Variants in ZDHHC14 observed in about 807,000 individuals in gnomAD.
ZDHHC14 encodes the protein zDHHC palmitoyltransferase 14.
A neutral mutation model predicts 47.7 loss-of-function variants in ZDHHC14; 16 were observed. The ratio of observed to expected loss-of-function variants is 0.34; its 90% CI spans 0.23 to 0.51. The LOEUF is 0.51. ZDHHC14 is among the 20% of genes least tolerant of loss of function. ZDHHC14 has a pLI of 0.97. For synonymous variants in ZDHHC14, 293 were observed against 278.9 expected (o/e 1.05, Z -0.50); for missense variants, 515 against 662.5 (o/e 0.78, Z 2.44).
rs1785652621 is a variant in ZDHHC14, at chr6:157,630,645, C to CTCATGT, written c.703+2159_703+2160insTCATGT. The CTCATGT allele has an allele frequency of 8.3e-5, 12 of 145,386 alleles. No homozygotes were observed. In the Admixed American group the frequency reaches 8.3e-4, roughly 10 times the overall value. 9.0% of individuals were successfully genotyped at this position (145,386 alleles called of 1,614,324 possible). A position where few individuals can be genotyped will look rare whatever the true frequency, so the allele number is the denominator to read the frequency against. ...CAATATGCTCACACATGTACCCTTA[C>CTCATGT]ACACCCACACTCATACTAGCCATAC... On this transcript the variant is annotated intron_variant, in intron 4 of 8. Transcript: ENST00000359775.
chr6:157,392,415 T>C (rs1015832325), intron 1 of ZDHHC14, among the ~76,000 whole-genome samples: 7 of 152,208 alleles, frequency 4.6e-5, no homozygotes, highest in African/African-American at 1.7e-4. Flanking sequence ...AGCTCTTCTC[T>C]GATCTCATAC....
chr6:157,547,168 C>G (rs993465935), intron 2 of ZDHHC14, among the ~76,000 whole-genome samples: 15 of 152,202 alleles, frequency 9.9e-5, no homozygotes, highest in African/African-American at 3.4e-4. Context: ...GTAGATGCAC[C>G]CGTGTGTGCA....
rs181848583 is a variant in ZDHHC14, at chr6:157,665,180, C to T, written c.1069-7544C>T. Among the ~76,000 whole-genome samples, 47 of 152,326 alleles carry T rather than the reference C, an allele frequency of 3.1e-4. 1 individual carries two copies. The highest frequency in any genetic ancestry group is 1.0e-4 in the Non-Finnish European group (7 of 68,044). Reference sequence around the variant, plus strand: ...CCTGTACTTTGGCCAGTTTCATATACTCCCTTATATACAGGCTGAATGCTG... The same window carrying T: ...CCTGTACTTTGGCCAGTTTCATATATTCCCTTATATACAGGCTGAATGCTG... On this transcript the variant is annotated intron_variant, in intron 8 of 8. Transcript: ENST00000359775.
intron 1 of ZDHHC14, among the ~76,000 whole-genome samples, chr6:157,517,346 G>A (rs902645790): frequency 3.4e-5 from 5 of 146,698 alleles, no homozygotes; most frequent in African/African-American, 7.7e-5. Flanking sequence ...ACAGAGTTTC[G>A]CTCTGTCAGC....
At chr6:157,478,421 CA>C (rs551455610) in intron 1 of ZDHHC14, among the ~76,000 whole-genome samples, 164 of 152,294 alleles carry the variant, frequency 1.1e-3, no homozygotes, top group Non-Finnish European at 1.9e-3. Context: ...AAGTTAACCA[CA>C]ATGCTAATTT....
intron 1 of ZDHHC14, among the ~76,000 whole-genome samples, chr6:157,403,300 C>A (rs867049922): frequency 2.0e-5 from 3 of 152,178 alleles, no homozygotes. Context: ...CAATAACCTA[C>A]GAAATAACCT....
intron 8 of ZDHHC14, among the ~76,000 whole-genome samples, chr6:157,653,900 C>T (rs1385933040): frequency 2.0e-5 from 3 of 152,130 alleles, no homozygotes; most frequent in Non-Finnish European, 4.4e-5. Flanking sequence ...GCTTGAGGCA[C>T]GTGGATGGAA....
In ZDHHC14 at chr6:157,383,458, T is replaced by C. The variant is rs1777253445; in HGVS notation, c.245+1192T>C. 2.0e-5 allele frequency among the ~76,000 whole-genome samples: 3 copies of C among 152,234 alleles called. No individual in the cohort carries two copies. The South Asian group carries it at 6.2e-4, about 31-fold the overall frequency. On this transcript the variant is annotated intron_variant, in intron 1 of 8. Coordinates refer to ENST00000359775, the MANE Select transcript of ZDHHC14 (RefSeq NM_024630.3). ...TTGTTTCTGATTAGGATTAATAGGC[T>C]CTAATTTTGTGCCTGGCTTTTGCTC...
intron 7 of ZDHHC14, among the ~76,000 whole-genome samples, chr6:157,653,148 G>A (rs868432957): frequency 1.3e-5 from 2 of 152,162 alleles, no homozygotes; most frequent in South Asian, 2.1e-4. Context: ...TCGAAACAAC[G>A]TTTGCTGAGT....
intron 2 of ZDHHC14, among the ~76,000 whole-genome samples, chr6:157,573,381 G>A (rs1274908186): frequency 6.6e-6 from 1 of 152,154 alleles, no homozygotes; most frequent in African/African-American, 2.4e-5. Context: ...TTCATGTCCT[G>A]CTCACCTCAC....
intron 1 of ZDHHC14, among the ~76,000 whole-genome samples, chr6:157,462,765 C>T (rs371658178): frequency 2.0e-5 from 3 of 152,356 alleles, no homozygotes; most frequent in Admixed American, 6.5e-5. Context: ...TTGAAGTGCC[C>T]AGCCCAGTGC....
rs538837794 is a variant in ZDHHC14, at chr6:157,639,142, CAG to C, written c.752+6262_752+6263del. 1.1e-4 allele frequency among the ~76,000 whole-genome samples: 17 copies of C among 152,348 alleles called. No homozygotes were observed. The East Asian group carries it at 3.3e-3, about 29-fold the overall frequency. ...TGCACTTACACACCCAAGTGTGCGA[CAG>C]AAAACTGGGAGGGGCTGTGATAGCT... On this transcript the variant is annotated intron_variant, in intron 5 of 8. Coordinates refer to ENST00000359775, the MANE Select transcript of ZDHHC14 (RefSeq NM_024630.3).
chr6:157,454,929 T>G (rs1417070150), intron 1 of ZDHHC14, among the ~76,000 whole-genome samples: 2 of 152,224 alleles, frequency 1.3e-5, no homozygotes, highest in Non-Finnish European at 2.9e-5. Context: ...AGCATCCTTT[T>G]GTGAGTGCCT....
chr6:157,650,632 C>G (rs1777786819), intron 7 of ZDHHC14, among the ~76,000 whole-genome samples: 1 of 149,294 alleles, frequency 6.7e-6, no homozygotes, highest in Admixed American at 6.7e-5. Flanking sequence ...CCCTTAATTT[C>G]TCTTGTCATT....
rs1284369399 is a variant in ZDHHC14 at position 157,451,354 on chromosome 6, C to T, written c.245+69088C>T. Among the ~76,000 whole-genome samples, 4 of 152,152 alleles carry T rather than the reference C, an allele frequency of 2.6e-5. No individual in the cohort carries two copies. The East Asian group carries it at 5.8e-4, about 22-fold the overall frequency. On this transcript the variant is annotated intron_variant, in intron 1 of 8. Coordinates refer to ENST00000359775, the MANE Select transcript of ZDHHC14 (RefSeq NM_024630.3). ...GGGATAGAGAAAGGTGAAATCTATACCTGATCCTTAACATTAAAAGCAGCG... is the reference window on the plus strand; with the variant it reads ...GGGATAGAGAAAGGTGAAATCTATATCTGATCCTTAACATTAAAAGCAGCG...
chr6:157,564,244 G>T (rs1316761045), intron 2 of ZDHHC14, among the ~76,000 whole-genome samples: 4 of 152,118 alleles, frequency 2.6e-5, no homozygotes, highest in East Asian at 3.9e-4. Context: ...GGGGGCTTTG[G>T]TTGGATAATC....
At chr6:157,516,568 A>C (rs1296767415) in intron 1 of ZDHHC14, among the ~76,000 whole-genome samples, 1 of 152,222 alleles carries the variant, frequency 6.6e-6, no homozygotes, top group Non-Finnish European at 1.5e-5. Flanking sequence ...GAATGTCTTC[A>C]TGAGGGACTG....
chr6:157,569,936 G>T (rs184256227), intron 2 of ZDHHC14, among the ~76,000 whole-genome samples: 19 of 152,090 alleles, frequency 1.2e-4, no homozygotes, highest in Non-Finnish European at 2.1e-4. Flanking sequence ...GTTTATATTT[G>T]TTAACCTTAA....
At chr6:157,569,157 C>G (rs1800480042) in intron 2 of ZDHHC14, among the ~76,000 whole-genome samples, 1 of 151,568 alleles carries the variant, frequency 6.6e-6, no homozygotes, top group Non-Finnish European at 1.5e-5. Flanking sequence ...GATTGATAGT[C>G]TAACCATATA....
Sources: gnomAD v4.1 joint callset for allele counts (sites outside exome capture counted in the v4.1 genomes callset) on GRCh38, gnomAD v4.1.1 for gene constraint, MANE v1.5 for transcripts, NCBI Gene and HGNC (gene_info 2026-07-23, HGNC 2026-07-21) for gene names.